FGGY: variants seen among roughly 807,000 people sequenced by gnomAD.
FGGY encodes the protein FGGY carbohydrate kinase domain-containing protein.
FGGY carries 72 observed loss-of-function variants against 71.3 expected under a neutral mutation model. The ratio of observed to expected loss-of-function variants is 1.01; its 90% CI spans 0.84 to 1.23. The LOEUF is 1.23. Among genes scored for constraint, FGGY ranks in the 50% most tolerant of loss-of-function variants. FGGY has a pLI of 0.00. For synonymous variants in FGGY, 251 were observed against 250.3 expected (o/e 1.00, Z -0.02); for missense variants, 668 against 682.3 (o/e 0.98, Z 0.23).
intron 8 of FGGY, among the ~76,000 whole-genome samples, chr1:59,590,103 A>G (rs1025650200): frequency 2.0e-5 from 3 of 152,086 alleles, no homozygotes; most frequent in African/African-American, 7.2e-5. Context: ...TGATAAAGGG[A>G]ATATCACCAC....
At chr1:59,415,425 A>ATAATT (rs1337186025) in intron 5 of FGGY, among the ~76,000 whole-genome samples, 9 of 152,200 alleles carry the variant, frequency 5.9e-5, no homozygotes, top group Non-Finnish European at 1.3e-4. Flanking sequence ...GAAATATGTT[A>ATAATT]GTACTGCCTT....
At chr1:59,532,683 GA>G (rs1229484243) in intron 7 of FGGY, among the ~76,000 whole-genome samples, 4 of 151,650 alleles carry the variant, frequency 2.6e-5, no homozygotes, top group African/African-American at 4.8e-5. Context: ...TATCAACAAA[GA>G]AAAAAACATA....
At chr1:59,475,219 C>T (rs2093203169) in intron 6 of FGGY, among the ~76,000 whole-genome samples, 2 of 152,174 alleles carry the variant, frequency 1.3e-5, no homozygotes, top group East Asian at 3.8e-4. Context: ...TAGATTTCTG[C>T]TTCTAAATTA....
At chr1:59,493,170 G>A (rs550445570) in intron 6 of FGGY, among the ~76,000 whole-genome samples, 1 of 150,450 alleles carries the variant, frequency 6.6e-6, no homozygotes, top group South Asian at 2.1e-4. Context: ...TGGAGAAATT[G>A]GAAACCTTGT....
chr1:59,758,506 A>G (rs756710309), intron 15 of FGGY, among the ~76,000 whole-genome samples: 1 of 152,254 alleles, frequency 6.6e-6, no homozygotes, highest in Non-Finnish European at 1.5e-5. Context: ...AGATTATTTT[A>G]GAACAACGGG....
At chr1:59,635,196 G>A (rs1323604589) in intron 10 of FGGY, among the ~76,000 whole-genome samples, 4 of 152,220 alleles carry the variant, frequency 2.6e-5, no homozygotes, top group African/African-American at 9.6e-5. Flanking sequence ...TGTCTTCCAA[G>A]TGCATTTCAT....
Position 59,648,846 on chromosome 1 carries a change from A to T in FGGY, c.1221+10471A>T, listed in dbSNP as rs1400824717. Among the ~76,000 whole-genome samples the T allele has an allele frequency of 1.8e-4, 28 of 152,224 alleles. No homozygotes were observed. The East Asian group carries it at 2.9e-3, about 16-fold the overall frequency. On this transcript the variant is annotated intron_variant, in intron 11 of 15. Coordinates refer to ENST00000303721, the MANE Select transcript of FGGY (RefSeq NM_018291.5). Reference sequence around the variant, plus strand: ...GCCCATGCCTATGTCCTGAATGGTCATGCCTAGGTTTTCTTCTAGGGTTTT... The same window carrying T: ...GCCCATGCCTATGTCCTGAATGGTCTTGCCTAGGTTTTCTTCTAGGGTTTT...
At chr1:59,638,792 G>A (rs892508793) in intron 11 of FGGY, among the ~76,000 whole-genome samples, 1 of 152,244 alleles carries the variant, frequency 6.6e-6, no homozygotes, top group African/African-American at 2.4e-5. Context: ...AGTCAGGGCT[G>A]TTCAGATTCT....
chr1:59,456,782 A>G (rs2091741543), intron 5 of FGGY, among the ~76,000 whole-genome samples, 179 bp from the exon 6 acceptor site: 1 of 152,194 alleles, frequency 6.6e-6, no homozygotes, highest in Non-Finnish European at 1.5e-5. Context: ...GGAAGGTACT[A>G]TCCATAATTA....
intron 7 of FGGY, among the ~76,000 whole-genome samples, chr1:59,527,935 A>C (rs1248674954): frequency 6.6e-6 from 1 of 152,192 alleles, no homozygotes; most frequent in Non-Finnish European, 1.5e-5. Flanking sequence ...AGCAGTTTTC[A>C]AACTTGAGTC....
At chr1:59,465,994 GA>G (rs1169940472) in intron 6 of FGGY, among the ~76,000 whole-genome samples, 2 of 151,900 alleles carry the variant, frequency 1.3e-5, no homozygotes, top group African/African-American at 2.4e-5. Context: ...TCACAGAACT[GA>G]AAAAAACTAC....
At chr1:59,614,800 C>G (rs1002972559) in intron 9 of FGGY, among the ~76,000 whole-genome samples, 58 of 152,078 alleles carry the variant, frequency 3.8e-4, no homozygotes, top group Non-Finnish European at 4.9e-4. Context: ...CTTCAGCAAA[C>G]TCCCCGGATA....
At chr1:59,559,278 T>C (rs2095746461) in intron 8 of FGGY, among the ~76,000 whole-genome samples, 1 of 152,196 alleles carries the variant, frequency 6.6e-6, no homozygotes, top group African/African-American at 2.4e-5. Flanking sequence ...GAAGTAAAGA[T>C]TGGCGTAAGA....
At chr1:59,465,118 G>C (rs1328959598) in intron 6 of FGGY, among the ~76,000 whole-genome samples, 1 of 152,096 alleles carries the variant, frequency 6.6e-6, no homozygotes, top group African/African-American at 2.4e-5. Context: ...CCTCAATAAC[G>C]TACTGGCAAA....
At chr1:59,409,598 TTATATATATA>T (rs202016801) in intron 5 of FGGY, among the ~76,000 whole-genome samples, 1,092 of 105,772 alleles carry the variant, frequency 0.01, 10 homozygotes, top group Non-Finnish European at 0.018. Context: ...GAAGAGTTTT[TTATATATATA>T]TATATATATA....
intron 7 of FGGY, among the ~76,000 whole-genome samples, chr1:59,536,863 A>G (rs2095329872): frequency 6.6e-6 from 1 of 152,180 alleles, no homozygotes; most frequent in Non-Finnish European, 1.5e-5. Context: ...AATAAGAGCT[A>G]TTTATGACAA....
intron 10 of FGGY, chr1:59,626,487 A>T (rs2096857479): frequency 6.5e-6 from 1 of 154,134 alleles, no homozygotes; most frequent in Non-Finnish European, 1.4e-5. Flanking sequence ...TGCAAAAAAA[A>T]TTTACGATAT....
chr1:59,340,601 G>C (rs530307117), intron 3 of FGGY, among the ~76,000 whole-genome samples: 2 of 152,272 alleles, frequency 1.3e-5, no homozygotes, highest in East Asian at 3.9e-4. Context: ...ATAGACACTT[G>C]TGAGTACAGA....
intron 5 of FGGY, among the ~76,000 whole-genome samples, chr1:59,440,550 T>A (rs1408822690): frequency 6.6e-6 from 1 of 151,590 alleles, no homozygotes; most frequent in South Asian, 2.1e-4. Context: ...TATGTGGTAG[T>A]AGGTCAAAGA....
Sources: allele counts gnomAD v4.1 joint callset (sites outside exome capture counted in the v4.1 genomes callset), GRCh38; gene constraint gnomAD v4.1.1; transcripts MANE v1.5; gene names NCBI Gene and HGNC (gene_info 2026-07-23, HGNC 2026-07-21).